UST: variants seen among roughly 807,000 people sequenced by gnomAD.
UST encodes the protein uronyl 2-sulfotransferase.
In UST, 21 loss-of-function variants were observed where a neutral mutation model predicts 45.6. The observed-to-expected ratio is 0.46, with a 90% CI of 0.33 to 0.66. UST has a LOEUF of 0.66. UST is among the 30% of genes least tolerant of loss of function. The pLI, the probability that UST is intolerant of heterozygous loss-of-function variation, is 0.02. For missense variants in UST, 463 were observed against 512.4 expected, an observed-to-expected ratio of 0.90 and a Z score of 0.93; for synonymous variants, 215 against 200.6, an observed-to-expected ratio of 1.07 and a Z score of -0.61.
intron 7 of UST, among the ~76,000 whole-genome samples, chr6:149,028,224 AC>A (rs1426959802): frequency 6.6e-6 from 1 of 152,182 alleles, no homozygotes; most frequent in East Asian, 1.9e-4. Flanking sequence ...TAACTGCATA[AC>A]CAGAGGCAAG....
chr6:148,833,664 C>G (rs1777732750), intron 1 of UST, among the ~76,000 whole-genome samples: 1 of 152,144 alleles, frequency 6.6e-6, no homozygotes, highest in African/African-American at 2.4e-5. Context: ...TATAGATGTT[C>G]TAGTTTTGCT....
At chr6:148,954,781 T>C (rs1419163948) in intron 4 of UST, among the ~76,000 whole-genome samples, 2 of 152,222 alleles carry the variant, frequency 1.3e-5, no homozygotes, top group African/African-American at 4.8e-5. Context: ...TATTTAAAAT[T>C]CTGGTTTTTG....
intron 2 of UST, among the ~76,000 whole-genome samples, chr6:148,926,644 C>T (rs947469101): frequency 6.6e-6 from 1 of 152,166 alleles, no homozygotes; most frequent in East Asian, 1.9e-4. Context: ...AGGCAGAGGA[C>T]TGAAAAACAA....
At chr6:148,785,306 G>A (rs1447141222) in intron 1 of UST, among the ~76,000 whole-genome samples, 1 of 151,922 alleles carries the variant, frequency 6.6e-6, no homozygotes, top group African/African-American at 2.4e-5. Context: ...GAGGAGAAAA[G>A]CATCTCAGCC....
intron 1 of UST, among the ~76,000 whole-genome samples, chr6:148,789,947 T>C (rs1368477493): frequency 1.3e-5 from 2 of 151,408 alleles, no homozygotes; most frequent in Non-Finnish European, 2.9e-5. Context: ...CACATGTCAG[T>C]GAAAACCAAA....
intron 1 of UST, among the ~76,000 whole-genome samples, chr6:148,855,329 T>C (rs529792207): frequency 2.0e-5 from 3 of 152,338 alleles, no homozygotes; most frequent in African/African-American, 4.8e-5. Context: ...TCTCCTCTCA[T>C]AGTGCTCTAA....
At chr6:148,755,501 C>T (rs894976062) in intron 1 of UST, among the ~76,000 whole-genome samples, 5 of 152,160 alleles carry the variant, frequency 3.3e-5, no homozygotes, top group African/African-American at 1.2e-4. Context: ...CTCTATGTCT[C>T]TACCCAAATC....
chr6:148,819,007 A>C (rs760793677), intron 1 of UST, among the ~76,000 whole-genome samples: 4 of 152,188 alleles, frequency 2.6e-5, no homozygotes, highest in Non-Finnish European at 5.9e-5. Context: ...CTTTGGGGAA[A>C]AAAATGAGTT....
intron 4 of UST, among the ~76,000 whole-genome samples, chr6:148,959,283 T>C (rs1780596249): frequency 6.6e-6 from 1 of 152,262 alleles, no homozygotes; most frequent in South Asian, 2.1e-4. Context: ...TTTCACATCT[T>C]ATTTGTAAAT....
chr6:148,935,922 C>A (rs989841761), intron 2 of UST, among the ~76,000 whole-genome samples: 25 of 152,136 alleles, frequency 1.6e-4, no homozygotes, highest in African/African-American at 6.0e-4. Flanking sequence ...TGAGTAATGG[C>A]TGATGATACT....
chr6:148,861,033 C>T (rs768132949), intron 1 of UST, among the ~76,000 whole-genome samples: 11 of 152,178 alleles, frequency 7.2e-5, no homozygotes, highest in Non-Finnish European at 7.3e-5. Flanking sequence ...GGAGGATTCC[C>T]TCTTTTTCTC....
chr6:148,945,233 C>A (rs1780213057), intron 3 of UST, among the ~76,000 whole-genome samples: 2 of 152,066 alleles, frequency 1.3e-5, no homozygotes, highest in South Asian at 4.2e-4. Context: ...GGTATGATTC[C>A]CTGTTTTATG....
At position 148,934,419 on chromosome 6, in the gene UST, G is replaced by A. The variant is rs935959025; in HGVS notation, c.292-6860G>A. On this transcript the variant is annotated intron_variant, in intron 2 of 7. Coordinates refer to ENST00000367463, the MANE Select transcript of UST (RefSeq NM_005715.3). This position sits in a 1 kb window ranked among gnomAD's most constrained non-coding sequence, Gnocchi z 4.1. ...CAGTCAGTATAATATTCATGCTAAG[G>A]GTCTAATGCTTTAACAACATTCAGT... Among the ~76,000 whole-genome samples, 2 of 152,148 alleles carry A rather than the reference G, an allele frequency of 1.3e-5. No individual in the cohort carries two copies. The highest frequency in any genetic ancestry group is 4.8e-5 in the African/African-American group (2 of 41,418).
chr6:148,847,073 T>C (rs1325728072), intron 1 of UST, among the ~76,000 whole-genome samples: 1 of 152,270 alleles, frequency 6.6e-6, no homozygotes, highest in Non-Finnish European at 1.5e-5. Context: ...CCATAATGTC[T>C]TAGCTTGTCG....
At chr6:148,753,515 C>A (rs762845068) in intron 1 of UST, among the ~76,000 whole-genome samples, 12 of 151,718 alleles carry the variant, frequency 7.9e-5, no homozygotes, top group Admixed American at 2.0e-4. Context: ...TTTTTTATTG[C>A]GGAATAAAAT....
chr6:149,070,054 C>A (rs1464580897), intron 7 of UST, among the ~76,000 whole-genome samples: 1 of 151,842 alleles, frequency 6.6e-6, no homozygotes, highest in East Asian at 2.0e-4. Context: ...CCCCTTGGAT[C>A]CTTTGCCAGG....
At chr6:148,794,498 A>G (rs575692567) in intron 1 of UST, among the ~76,000 whole-genome samples, 1 of 152,320 alleles carries the variant, frequency 6.6e-6, no homozygotes, top group East Asian at 1.9e-4. Context: ...TTTCTTTTGT[A>G]AGTGTTGTCA....
At chr6:149,043,044 TCC>T (rs1776347776) in intron 7 of UST, among the ~76,000 whole-genome samples, 3 of 140,868 alleles carry the variant, frequency 2.1e-5, no homozygotes, top group African/African-American at 6.3e-5. Context: ...TTTCTTTCTT[TCC>T]TTCTTTCCTT....
At chr6:148,804,275 G>A (rs762804083) in intron 1 of UST, among the ~76,000 whole-genome samples, 2 of 152,080 alleles carry the variant, frequency 1.3e-5, no homozygotes, top group East Asian at 1.9e-4. Context: ...CTTCACATTC[G>A]GGAGTTTACA....
Sources: allele counts gnomAD v4.1 joint callset (sites outside exome capture counted in the v4.1 genomes callset), GRCh38; gene constraint gnomAD v4.1.1; non-coding constraint Gnocchi (gnomAD v3.1); transcripts MANE v1.5; gene names NCBI Gene and HGNC (gene_info 2026-07-23, HGNC 2026-07-21).